CFAP20DC: variants seen among roughly 807,000 people sequenced by gnomAD.
CFAP20DC encodes the protein protein CFAP20DC.
In CFAP20DC, 84 loss-of-function variants were observed where a neutral mutation model predicts 101.7. The observed-to-expected ratio is 0.83, with a 90% CI of 0.69 to 0.99. The LOEUF (loss-of-function observed/expected upper bound fraction) is 0.99, where lower values mean the gene tolerates loss of function less well. CFAP20DC is among the 50% of genes least tolerant of loss of function. The pLI, the probability that CFAP20DC is intolerant of heterozygous loss-of-function variation, is 0.00. For missense variants in CFAP20DC, 1,007 were observed against 970.3 expected, an observed-to-expected ratio of 1.04 and a Z score of -0.50; for synonymous variants, 359 against 351.2, an observed-to-expected ratio of 1.02 and a Z score of -0.25.
chr3:59,033,177 C>T (rs1216854555), intron 4 of CFAP20DC, among the ~76,000 whole-genome samples: 2 of 152,266 alleles, frequency 1.3e-5, no homozygotes, highest in East Asian at 3.9e-4. Context: ...GATGTCCACA[C>T]AAAAACCCAT....
chr3:58,780,557 T>C (rs909264922), intron 15 of CFAP20DC, among the ~76,000 whole-genome samples: 1 of 151,922 alleles, frequency 6.6e-6, no homozygotes, highest in Non-Finnish European at 1.5e-5. Flanking sequence ...TCATCTTATC[T>C]GTAAAGAAAC....
chr3:58,725,272 T>C (rs1187375166), intron 3 of CFAP20DC, among the ~76,000 whole-genome samples: 1 of 152,206 alleles, frequency 6.6e-6, no homozygotes, highest in African/African-American at 2.4e-5. Flanking sequence ...AGTGGAGAGC[T>C]CTGGCCACAG....
chr3:58,806,438 G>A lies in CFAP20DC; in HGVS notation c.2194C>T (p.His732Tyr), dbSNP rs750492496. 1.2e-6 allele frequency: 2 copies of A among 1,612,142 alleles called. No homozygotes were observed. Among genetic ancestry groups the A allele is most frequent in the Admixed American group, 1.7e-5 (1 of 59,988 alleles). The change falls in exon 15 of 17, where the codon CAC becomes TAC. Residue 732 changes from histidine (H) to tyrosine (Y), a missense_variant. His to Tyr is a moderately conservative substitution (Grantham distance 83, BLOSUM62 2). Coordinates refer to ENST00000482387, the MANE Select transcript of CFAP20DC (RefSeq NM_001394063.1). Reference sequence around the variant, plus strand: ...GGTGGGTTCATTTCTTTCTGATAGTGGCGACCCTGGTTGACAGGCTGGAAA... The same window carrying A: ...GGTGGGTTCATTTCTTTCTGATAGTAGCGACCCTGGTTGACAGGCTGGAAA... ...CLPPPVNQGR[H>Y]YQKEMNPPSP...
intron 5 of CFAP20DC, among the ~76,000 whole-genome samples, chr3:58,923,534 A>G (rs2085620122): frequency 6.6e-6 from 1 of 152,086 alleles, no homozygotes; most frequent in African/African-American, 2.4e-5. Flanking sequence ...TCTCCCACCA[A>G]CTACACCATT....
At chr3:59,049,580 A>G in intron 1 of CFAP20DC, 31 bp downstream of exon 1, 1 of 1,532,022 alleles carries the variant, frequency 6.5e-7, no homozygotes, top group Non-Finnish European at 8.7e-7. Flanking sequence ...GGAGAAAGGT[A>G]TAGACAGGTT....
rs529855506 is a variant in CFAP20DC, at chr3:58,808,439, C to G, written c.2176-1983G>C. ...ATTCTTAAAGAAAAGAATTTTCAACCCAGAATTTCATATCCAGCCAAACTA... is the reference window on the plus strand; with the variant it reads ...ATTCTTAAAGAAAAGAATTTTCAACGCAGAATTTCATATCCAGCCAAACTA... On this transcript the variant is annotated intron_variant, in intron 14 of 16. Coordinates refer to ENST00000482387, the MANE Select transcript of CFAP20DC (RefSeq NM_001394063.1). 1.7e-3 allele frequency among the ~76,000 whole-genome samples: 252 copies of G among 152,254 alleles called. 1 individual carries two copies. Among genetic ancestry groups the G allele is most frequent in the African/African-American group, 5.7e-3 (236 of 41,542 alleles).
chr3:58,954,902 T>C (rs1353460442), intron 4 of CFAP20DC, among the ~76,000 whole-genome samples: 2 of 152,114 alleles, frequency 1.3e-5, no homozygotes, highest in African/African-American at 4.8e-5. Context: ...TGATTCCCTT[T>C]TTAAAAACAG....
At chr3:58,924,267 T>A (rs765387922) in intron 5 of CFAP20DC, among the ~76,000 whole-genome samples, 7 of 152,174 alleles carry the variant, frequency 4.6e-5, no homozygotes, top group African/African-American at 1.7e-4. Flanking sequence ...CCAGTGTCTA[T>A]TGTTTCTCTC....
chr3:58,779,852 A>G (rs947436505), intron 15 of CFAP20DC, among the ~76,000 whole-genome samples: 7 of 152,176 alleles, frequency 4.6e-5, no homozygotes, highest in Admixed American at 4.6e-4. Flanking sequence ...TCCAGATACA[A>G]GTTCAGAGAT....
intron 15 of CFAP20DC, among the ~76,000 whole-genome samples, chr3:58,782,095 A>T (rs2071886064): frequency 6.6e-6 from 1 of 152,238 alleles, no homozygotes; most frequent in South Asian, 2.1e-4. Flanking sequence ...AGCGGGATTT[A>T]TCCTAGGGAT....
intron 4 of CFAP20DC, among the ~76,000 whole-genome samples, chr3:59,000,941 GAGA>G (rs1200827252): frequency 6.6e-6 from 1 of 152,046 alleles, no homozygotes; most frequent in Non-Finnish European, 1.5e-5. Flanking sequence ...ATCACCCAGT[GAGA>G]AAGTATAAAA....
intron 15 of CFAP20DC, among the ~76,000 whole-genome samples, chr3:58,802,126 A>T (rs1304029353): frequency 6.6e-6 from 1 of 152,226 alleles, no homozygotes; most frequent in Non-Finnish European, 1.5e-5. Flanking sequence ...CCAGAAGGTA[A>T]TCACAGCTTA....
chr3:59,042,546 C>T (rs573115150), intron 3 of CFAP20DC, among the ~76,000 whole-genome samples: 3 of 151,344 alleles, frequency 2.0e-5, no homozygotes, highest in African/African-American at 4.9e-5. Flanking sequence ...TGCAAAAGCA[C>T]GAACGAGAAA....
chr3:58,772,903 A>G (rs899816486), intron 15 of CFAP20DC, among the ~76,000 whole-genome samples: 1 of 152,222 alleles, frequency 6.6e-6, no homozygotes, highest in African/African-American at 2.4e-5. Flanking sequence ...AGAATGCCCA[A>G]GAAACTGTTA....
At chr3:58,756,482 G>A (rs116698653) in intron 15 of CFAP20DC, among the ~76,000 whole-genome samples, 152 of 152,096 alleles carry the variant, frequency 1.0e-3, no homozygotes, top group African/African-American at 3.4e-3. Context: ...GAAATACAAC[G>A]AAAGTCATCT....
At chr3:58,857,613 T>A (rs1258832391) in intron 12 of CFAP20DC, among the ~76,000 whole-genome samples, 1 of 152,156 alleles carries the variant, frequency 6.6e-6, no homozygotes, top group Admixed American at 6.6e-5. Context: ...CTGGACAGGG[T>A]ACAAAGGCTT....
intron 15 of CFAP20DC, among the ~76,000 whole-genome samples, chr3:58,760,304 T>G (rs1200442015): frequency 1.3e-5 from 2 of 152,228 alleles, no homozygotes; most frequent in Non-Finnish European, 2.9e-5. Flanking sequence ...CAATTGTGAA[T>G]GGGAGTTCAC....
intron 4 of CFAP20DC, among the ~76,000 whole-genome samples, chr3:59,031,406 C>T (rs2093992533): frequency 2.0e-5 from 3 of 152,150 alleles, no homozygotes; most frequent in Admixed American, 2.0e-4. Context: ...GTATAATTTA[C>T]CTTCTTCCAT....
intron 16 of CFAP20DC, 46 bp from the exon 17 acceptor site, chr3:58,742,618 C>G: frequency 6.9e-7 from 1 of 1,449,122 alleles, no homozygotes; most frequent in South Asian, 1.3e-5. Flanking sequence ...TGGCTTGGCC[C>G]GGAATCCCCA....
Sources: allele counts gnomAD v4.1 joint callset (sites outside exome capture counted in the v4.1 genomes callset), GRCh38; gene constraint gnomAD v4.1.1; transcripts MANE v1.5; gene names NCBI Gene and HGNC (gene_info 2026-07-23, HGNC 2026-07-21).